The following TRPM4 variants were observed in gnomAD, a reference collection of about 807,000 sequenced individuals.
TRPM4 encodes transient receptor potential cation channel subfamily M member 4.
Under a neutral mutation model 135.6 loss-of-function variants are expected in TRPM4, and 124 were observed. That is an observed-to-expected ratio of 0.91 (90% CI 0.79 to 1.06). The LOEUF is 1.06. TRPM4 is among the 50% of genes least tolerant of loss of function. The probability of loss-of-function intolerance (pLI) is 0.00; values close to 1 mark genes in which losing one functional copy is unlikely to be tolerated. For missense variants in TRPM4, 1,658 were observed against 1,671.4 expected (o/e 0.99, Z 0.14); for synonymous variants, 745 against 705.6 (o/e 1.06, Z -0.88).
chr19:49,187,125 A>T (rs994059493), intron 12 of TRPM4, among the ~76,000 whole-genome samples: 3 of 151,898 alleles, frequency 2.0e-5, no homozygotes, highest in Non-Finnish European at 4.4e-5. Context: ...GGGGGTAGTA[A>T]GTGGGTAGGT....
chr19:49,166,356 C>T lies in TRPM4; in HGVS notation c.267+141C>T. 1.6e-5 allele frequency: 13 copies of T among 832,546 alleles called. No homozygotes were observed. In the South Asian group the frequency reaches 2.4e-4, roughly 15 times the overall value. 51.6% of individuals were successfully genotyped at this position (832,546 alleles called of 1,614,324 possible). A position where few individuals can be genotyped will look rare whatever the true frequency, so the allele number is the denominator to read the frequency against. ...GGCTCTCTTTGTCCCCTCCGCCCCACCTATCTTCTCTCTGAGGGGGTCCCG... is the reference window on the plus strand; with the variant it reads ...GGCTCTCTTTGTCCCCTCCGCCCCATCTATCTTCTCTCTGAGGGGGTCCCG... On this transcript the variant is annotated intron_variant, in intron 3 of 24. Transcript: ENST00000252826.
At chr19:49,173,024 TCATTCTTCCATCCATCCATCTTCTCACC>T (rs1967531254) in intron 9 of TRPM4, among the ~76,000 whole-genome samples, 1 of 137,100 alleles carries the variant, frequency 7.3e-6, no homozygotes. Context: ...TTCCATTCAC[TCATTCTTCCATCCATCCATCTTCTCACC>T]TGTCCATCCA....
rs1210411902 is a variant in TRPM4, at chr19:49,182,594, C to T, written c.1280C>T (p.Ala427Val). Residue 427 changes from alanine to valine, a missense_variant, in exon 11 of 25, where the codon GCT becomes GTT. By Grantham distance (64) the Ala-to-Val change is moderately conservative. Around this residue, in one of 3 missense-constraint regions of TRPM4, gnomAD observed 1,412 missense variants for 1,408.7 expected, o/e 1.00. Coordinates refer to ENST00000252826, the MANE Select transcript of TRPM4 (RefSeq NM_017636.4). Reference protein sequence around the residue: ...DIQWRSFHLEASLMDALLNDR... With the variant: ...DIQWRSFHLEVSLMDALLNDR... ...CCCTGCCAGTCCTTCCATCTCGAAGCTTCCCTCATGGACGCCCTGCTGAAT... is the reference window on the plus strand; with the variant it reads ...CCCTGCCAGTCCTTCCATCTCGAAGTTTCCCTCATGGACGCCCTGCTGAAT... The T allele has an allele frequency of 1.2e-6, 2 of 1,613,752 alleles. No homozygotes were observed. The highest frequency in any genetic ancestry group is 2.2e-5 in the East Asian group (1 of 44,884).
intron 16 of TRPM4, among the ~76,000 whole-genome samples, chr19:49,193,095 T>C (rs950482562): frequency 1.2e-4 from 18 of 151,412 alleles, no homozygotes; most frequent in African/African-American, 4.4e-4. Flanking sequence ...TTTTTTTTTT[T>C]TTTGAGATGG....
chr19:49,157,974 A>G, intron 1 of TRPM4, 84 bp downstream of exon 1: 1 of 1,467,518 alleles, frequency 6.8e-7, no homozygotes, highest in Admixed American at 2.0e-5. Context: ...CTGGACACCC[A>G]GATTCCTGGG....
At chr19:49,203,362 G>A (rs1169222240) in intron 20 of TRPM4, among the ~76,000 whole-genome samples, 1 of 151,450 alleles carries the variant, frequency 6.6e-6, no homozygotes, top group South Asian at 2.1e-4. Context: ...TGTATTTTTA[G>A]TAGAGATGGG....
intron 9 of TRPM4, among the ~76,000 whole-genome samples, chr19:49,174,693 C>G (rs1967606807): frequency 6.8e-6 from 1 of 146,064 alleles, no homozygotes; most frequent in Non-Finnish European, 1.5e-5. Flanking sequence ...ACCTAGGAGG[C>G]AGATTGTGCC....
chr19:49,184,931 CTT>C (rs67365636), intron 12 of TRPM4, among the ~76,000 whole-genome samples: 36 of 146,160 alleles, frequency 2.5e-4, no homozygotes, highest in Non-Finnish European at 4.3e-4. Context: ...GTGTTTTTTT[CTT>C]TTTTTTTTAA....
chr19:49,160,666 C>T (rs186672003), intron 2 of TRPM4, among the ~76,000 whole-genome samples: 7 of 152,056 alleles, frequency 4.6e-5, no homozygotes, highest in Non-Finnish European at 7.4e-5. Flanking sequence ...GTGTCAGAGG[C>T]CACCCTAAGG....
At chr19:49,182,351 T>G (rs1182906702) in intron 10 of TRPM4, among the ~76,000 whole-genome samples, 5 of 141,980 alleles carry the variant, frequency 3.5e-5, no homozygotes, top group African/African-American at 1.4e-4. Context: ...CATCCATCCC[T>G]CTGTCCATCC....
At chr19:49,178,513 G>A (rs925316482) in intron 9 of TRPM4, among the ~76,000 whole-genome samples, 7 of 152,016 alleles carry the variant, frequency 4.6e-5, no homozygotes, top group Admixed American at 3.3e-4. Context: ...GATGGCCTGT[G>A]AGATGGGAGG....
intron 9 of TRPM4, among the ~76,000 whole-genome samples, chr19:49,177,547 C>T (rs1353215276): frequency 6.6e-6 from 1 of 151,804 alleles, no homozygotes; most frequent in African/African-American, 2.4e-5. Context: ...AGGATGGTCT[C>T]GACCTTCTGA....
At chr19:49,203,322 GGC>G (rs1299727097) in intron 20 of TRPM4, among the ~76,000 whole-genome samples, 3 of 152,018 alleles carry the variant, frequency 2.0e-5, no homozygotes, top group East Asian at 1.9e-4. Flanking sequence ...TAGGACTACA[GGC>G]GTGCGCCACC....
chr19:49,166,270 G>A (rs2122782018), intron 3 of TRPM4, 55 bp downstream of exon 3: 3 of 1,522,298 alleles, frequency 2.0e-6, no homozygotes, highest in Admixed American at 2.0e-5. Context: ...CATGCTCGGG[G>A]CTCCAGAGTG....
intron 12 of TRPM4, among the ~76,000 whole-genome samples, chr19:49,187,325 G>T (rs1238328250): frequency 6.6e-6 from 1 of 151,552 alleles, no homozygotes; most frequent in Non-Finnish European, 1.5e-5. Context: ...TGGCATTTTT[G>T]GTCACCTCTC....
At chr19:49,194,654 T>C (rs1391402523) in intron 16 of TRPM4, among the ~76,000 whole-genome samples, 55 of 67,708 alleles carry the variant, frequency 8.1e-4, no homozygotes, top group Non-Finnish European at 9.4e-4. Flanking sequence ...TCTCTCTTTC[T>C]CTCTCTGTCC....
chr19:49,211,112 G>T lies in TRPM4; in HGVS notation c.3534+25G>T, dbSNP rs775157096. 1.9e-6 allele frequency: 3 copies of T among 1,613,104 alleles called. No homozygotes were observed. The highest frequency in any genetic ancestry group is 1.7e-5 in the Admixed American group (1 of 59,870). ...GGTGAGGCCTTGGGGCCTGGCTGGG[G>T]GACTGTGGCAGGGGTCCCATCTCCC... is the stretch of plus-strand genomic sequence containing the variant. On this transcript the variant is annotated intron_variant, in intron 23 of 24. Transcript: ENST00000252826. The surrounding 1 kb of genome is among the most constrained non-coding windows in gnomAD (Gnocchi z 4.8).
At chr19:49,209,915 A>C (rs1179758851) in intron 20 of TRPM4, among the ~76,000 whole-genome samples, 2 of 151,696 alleles carry the variant, frequency 1.3e-5, no homozygotes, top group Non-Finnish European at 2.9e-5. Flanking sequence ...CGCCTGGCTA[A>C]TTTTTGTATT....
intron 16 of TRPM4, 32 bp from the exon 17 acceptor site, chr19:49,196,408 G>A: frequency 1.3e-6 from 2 of 1,511,128 alleles, no homozygotes; most frequent in African/African-American, 1.4e-5. Context: ...GTCAGAGTGA[G>A]GCCTCCTCCC....
Sources: allele counts gnomAD v4.1 joint callset (sites outside exome capture counted in the v4.1 genomes callset), GRCh38; gene constraint gnomAD v4.1.1; regional missense constraint gnomAD v4.1.1; non-coding constraint Gnocchi (gnomAD v3.1); transcripts MANE v1.5; gene names NCBI Gene and HGNC (gene_info 2026-07-23, HGNC 2026-07-21).